The following STPG2 variants were observed in gnomAD, a reference collection of about 807,000 sequenced individuals.
STPG2 encodes the protein sperm-tail PG-rich repeat-containing protein 2.
Under a neutral mutation model 54.2 loss-of-function variants are expected in STPG2, and 56 were observed. That is an observed-to-expected ratio of 1.03 (90% CI 0.83 to 1.29). STPG2 has a LOEUF of 1.29. STPG2 is among the 50% of genes most tolerant of loss of function. STPG2 has a pLI of 0.00. For missense variants in STPG2, 596 were observed against 544.9 expected, an observed-to-expected ratio of 1.09 and a Z score of -0.93; for synonymous variants, 200 against 181.8, an observed-to-expected ratio of 1.10 and a Z score of -0.81.
chr4:97,653,237 G>A (rs998769339), intron 10 of STPG2, among the ~76,000 whole-genome samples: 1 of 151,932 alleles, frequency 6.6e-6, no homozygotes, highest in Admixed American at 6.6e-5. Context: ...AGGGAACCAC[G>A]TAGCAGCACA....
intron 10 of STPG2, among the ~76,000 whole-genome samples, chr4:97,709,641 CACAT>C (rs1724050525): frequency 6.6e-6 from 1 of 151,590 alleles, no homozygotes; most frequent in South Asian, 2.1e-4. Context: ...AAAATATTCT[CACAT>C]AGTCACTGTA....
intron 7 of STPG2, among the ~76,000 whole-genome samples, chr4:97,969,939 C>G (rs753330098): frequency 1.2e-4 from 18 of 152,104 alleles, no homozygotes; most frequent in Non-Finnish European, 1.9e-4. Flanking sequence ...AAATCTTAAG[C>G]TGATAAGCAA....
intron 9 of STPG2, among the ~76,000 whole-genome samples, chr4:97,820,461 C>T (rs554201578): frequency 2.6e-5 from 4 of 152,210 alleles, no homozygotes; most frequent in South Asian, 2.1e-4. Context: ...AAAGCAAAAA[C>T]GACAGTAGCT....
chr4:97,495,670 A>C (rs889411030), intron 4 of STPG2, among the ~76,000 whole-genome samples: 2 of 149,502 alleles, frequency 1.3e-5, no homozygotes, highest in African/African-American at 4.9e-5. Context: ...ATTTTGCCAA[A>C]TATTATAATT....
At chr4:97,941,214 C>T (rs533115865) in intron 8 of STPG2, among the ~76,000 whole-genome samples, 6 of 151,876 alleles carry the variant, frequency 4.0e-5, no homozygotes, top group Non-Finnish European at 5.9e-5. Flanking sequence ...GGTTACCCAG[C>T]GACTTTACTC....
chr4:97,889,606 GA>G (rs1319245233), intron 8 of STPG2, among the ~76,000 whole-genome samples: 1 of 152,116 alleles, frequency 6.6e-6, no homozygotes, highest in African/African-American at 2.4e-5. Context: ...ATGTGGAATT[GA>G]AAAAATTGAT....
intron 10 of STPG2, among the ~76,000 whole-genome samples, chr4:97,707,753 G>A (rs778560505): frequency 6.6e-6 from 1 of 152,072 alleles, no homozygotes; most frequent in Non-Finnish European, 1.5e-5. Context: ...AAAGATTGAT[G>A]TGTCAAACCT....
At chr4:97,862,131 T>C (rs1013509106) in intron 8 of STPG2, among the ~76,000 whole-genome samples, 15 of 151,902 alleles carry the variant, frequency 9.9e-5, no homozygotes, top group African/African-American at 2.7e-4. Flanking sequence ...GACTGGCAAA[T>C]TGGATAAAGA....
At chr4:97,483,708 C>A (rs1456626725) in intron 4 of STPG2, among the ~76,000 whole-genome samples, 4 of 151,714 alleles carry the variant, frequency 2.6e-5, no homozygotes, top group African/African-American at 7.3e-5. Context: ...TTGAACTATA[C>A]CATGAAACAA....
At chr4:97,963,437 C>A (rs562673383) in intron 7 of STPG2, among the ~76,000 whole-genome samples, 2 of 152,076 alleles carry the variant, frequency 1.3e-5, no homozygotes, top group East Asian at 1.9e-4. Context: ...CAGGGGGACT[C>A]GTGCCAGGAG....
intron 9 of STPG2, among the ~76,000 whole-genome samples, chr4:97,797,267 G>C (rs1727223998): frequency 6.6e-6 from 1 of 152,164 alleles, no homozygotes; most frequent in Non-Finnish European, 1.5e-5. Context: ...TCTTGTGCCA[G>C]TTTTCAAAGG....
intron 9 of STPG2, among the ~76,000 whole-genome samples, chr4:97,824,058 C>T (rs141803545): frequency 2.0e-3 from 311 of 152,222 alleles, no homozygotes; most frequent in African/African-American, 7.1e-3. Flanking sequence ...TCTTTGCTGA[C>T]GGCTATGGGT....
chr4:97,650,975 C>T (rs1180496544), intron 10 of STPG2, among the ~76,000 whole-genome samples: 1 of 151,788 alleles, frequency 6.6e-6, no homozygotes. Flanking sequence ...TAGGGCATGG[C>T]TCCCCAGGCC....
intron 4 of STPG2, among the ~76,000 whole-genome samples, chr4:97,533,725 T>C (rs1007416823): frequency 6.6e-6 from 1 of 152,130 alleles, no homozygotes; most frequent in African/African-American, 2.4e-5. Flanking sequence ...AAGTTCTTTT[T>C]ATTGCTGAGT....
chr4:98,061,137 C>T (rs1398940278), intron 5 of STPG2, among the ~76,000 whole-genome samples: 1 of 152,154 alleles, frequency 6.6e-6, no homozygotes, highest in African/African-American at 2.4e-5. Flanking sequence ...AGACAACCTA[C>T]AGATGGGAGA....
intron 4 of STPG2, among the ~76,000 whole-genome samples, chr4:97,529,522 T>G (rs1731366076): frequency 6.6e-6 from 1 of 152,110 alleles, no homozygotes; most frequent in Non-Finnish European, 1.5e-5. Flanking sequence ...GGAGTCCCTC[T>G]TTTTCTATTG....
At chr4:97,628,608 AG>A (rs1425236155) in intron 10 of STPG2, among the ~76,000 whole-genome samples, 1 of 152,148 alleles carries the variant, frequency 6.6e-6, no homozygotes, top group African/African-American at 2.4e-5. Flanking sequence ...AATTGCAAGA[AG>A]CTTATGTTTA....
intron 5 of STPG2, among the ~76,000 whole-genome samples, chr4:98,045,831 C>T (rs2149310322): frequency 6.6e-6 from 1 of 152,094 alleles, no homozygotes; most frequent in South Asian, 2.1e-4. Context: ...ATATGTTGTG[C>T]CTCTTTGCAT....
At chr4:97,859,137 G>C (rs1435217560) in intron 8 of STPG2, among the ~76,000 whole-genome samples, 2 of 152,084 alleles carry the variant, frequency 1.3e-5, no homozygotes, top group Admixed American at 1.3e-4. Flanking sequence ...ACATTTCCCT[G>C]ACAATTAGCA....
Sources: gnomAD v4.1 joint callset for allele counts (sites outside exome capture counted in the v4.1 genomes callset) on GRCh38, gnomAD v4.1.1 for gene constraint, MANE v1.5 for transcripts, NCBI Gene and HGNC (gene_info 2026-07-23, HGNC 2026-07-21) for gene names.